SCN4A: variants seen among roughly 807,000 people sequenced by gnomAD.
The protein encoded by SCN4A is sodium channel protein type 4 subunit alpha.
In SCN4A, 83 loss-of-function variants were observed where a neutral mutation model predicts 162.0. The observed-to-expected ratio is 0.51, with a 90% CI of 0.43 to 0.61. The LOEUF (loss-of-function observed/expected upper bound fraction) is 0.61. Ranked by LOEUF, SCN4A falls within the 20% of genes least tolerant of loss-of-function variation. The probability of loss-of-function intolerance (pLI) is 0.00; values close to 1 mark genes in which losing one functional copy is unlikely to be tolerated. For missense variants in SCN4A, 2,196 were observed against 2,462.5 expected (o/e 0.89, Z 2.29); for synonymous variants, 944 against 985.1 (o/e 0.96, Z 0.78).
In SCN4A at chr17:63,963,719, G is replaced by A. The variant is rs753391449; in HGVS notation, c.1559C>T (p.Pro520Leu). 3.1e-5 allele frequency: 49 copies of A among 1,600,998 alleles called. No homozygotes were observed. Among genetic ancestry groups the A allele is most frequent in the Non-Finnish European group, 3.9e-5 (46 of 1,173,492 alleles). The change falls in exon 10 of 24, where the codon CCG (proline) becomes CTG (leucine). Residue 520 changes from proline (P) to leucine (L), a missense_variant. Pro to Leu is a moderately conservative substitution (Grantham distance 98). Coordinates refer to ENST00000435607, the MANE Select transcript of SCN4A (RefSeq NM_000334.4). Reference sequence around the variant, plus strand: ...GCTGTCTCCGCTGCTGCTCTGCCTCGGGGCTCCCTTCTCCCCTTGCGATGT... The same window carrying A: ...GCTGTCTCCGCTGCTGCTCTGCCTCAGGGCTCCCTTCTCCCCTTGCGATGT... ...LDTSQGEKGA[P>L]RQSSSGDSGI... is the part of the protein sequence containing the mutation.
At chr17:63,961,505 T>C (rs1909255673) in intron 10 of SCN4A, 74 bp from the exon 11 acceptor site, 1 of 1,108,698 alleles carries the variant, frequency 9.0e-7, no homozygotes, top group African/African-American at 1.5e-5. Flanking sequence ...CTAGAGCTTT[T>C]GTTCCACCTT....
chr17:63,961,451 A>G lies in SCN4A; in HGVS notation c.1607-20T>C, dbSNP rs374159735. The stretch of plus-strand genomic sequence containing the variant: ...CCAGTTCTGGGAGAGGGGTGGTAGC[A>G]GGTATCTGGTGAGGATTATCCCCTC... On this transcript the variant is annotated intron_variant, in intron 10 of 23. Transcript: ENST00000435607. The G allele has an allele frequency of 4.2e-5, 66 of 1,575,150 alleles. No individual in the cohort carries two copies. The East Asian group carries it at 1.1e-3, about 25-fold the overall frequency.
intron 17 of SCN4A, 56 bp downstream of exon 17, chr17:63,947,834 C>T (rs1908774209): frequency 6.4e-7 from 1 of 1,573,240 alleles, no homozygotes; most frequent in East Asian, 2.3e-5. Context: ...TCCTGAGGTC[C>T]CCGCCACACT....
chr17:63,961,852 A>G (rs1463729411), intron 10 of SCN4A, among the ~76,000 whole-genome samples: 5 of 142,850 alleles, frequency 3.5e-5, no homozygotes, highest in Non-Finnish European at 7.6e-5. Flanking sequence ...CGCCCCTCAA[A>G]GCCCCACCTC....
chr17:63,951,691 G>A lies in SCN4A; in HGVS notation c.2586C>T (p.Asp862=), dbSNP rs756161095. The A allele has an allele frequency of 2.2e-5, 36 of 1,601,822 alleles. No individual in the cohort carries two copies. In the East Asian group the frequency reaches 2.3e-4, roughly 10 times the overall value. ...CCGCCTCTCCAGCCTCCCCGGCCCC[G>A]TCAGCCTCCCCGAGGCTGAGCATGA... ...KDIMLSLGEA[D]GAGEAGEAGE... The change falls in exon 14 of 24, where the codon GAC becomes GAT. Residue 862 remains aspartate, a synonymous_variant. Coordinates refer to ENST00000435607, the MANE Select transcript of SCN4A (RefSeq NM_000334.4). The surrounding 1 kb of genome is among the most constrained non-coding windows in gnomAD (Gnocchi z 4.5).
In SCN4A at chr17:63,951,806, A is replaced by G. The variant is rs1375823252; in HGVS notation, c.2471T>C (p.Ile824Thr). 2 of 1,584,086 alleles carry G rather than the reference A, an allele frequency of 1.3e-6. No homozygotes were observed. Among genetic ancestry groups the G allele is most frequent in the Non-Finnish European group, 1.7e-6 (2 of 1,165,318 alleles). ...DEDGEMNNLQIAIGRIKLGIG... is the reference protein window; with the variant it reads ...DEDGEMNNLQTAIGRIKLGIG... ...GCCCAACTTGATGCGCCCGATGGCA[A>G]TCTGCAGGTTGTTCATCTCGCCATC... is the stretch of plus-strand genomic sequence containing the variant. The change falls in exon 14 of 24, where the codon ATT (isoleucine) becomes ACT (threonine). Residue 824 changes from isoleucine to threonine, a missense_variant. Ile to Thr is a moderately conservative substitution (Grantham distance 89, BLOSUM62 -1). Coordinates refer to ENST00000435607, the MANE Select transcript of SCN4A (RefSeq NM_000334.4). The surrounding 1 kb of genome is among the most constrained non-coding windows in gnomAD (Gnocchi z 4.5).
rs201227173 is a variant in SCN4A, at chr17:63,972,159, C to T, written c.459G>A (p.Pro153=). 41 of 1,613,074 alleles carry T rather than the reference C, an allele frequency of 2.5e-5. No homozygotes were observed. The highest frequency in any genetic ancestry group is 4.0e-5 in the African/African-American group (3 of 75,008). ...TNCVFMTMSD[P]PPWSKNVEYT... ...ACTCCACATTCTTGGACCAGGGAGG[C>T]GGGTCACTCATGGTCATGAATACGC... Residue 153 remains proline, a synonymous_variant, in exon 3 of 24, where the codon CCG becomes CCA. Coordinates refer to ENST00000435607, the MANE Select transcript of SCN4A (RefSeq NM_000334.4). This position sits in a 1 kb window ranked among gnomAD's most constrained non-coding sequence, Gnocchi z 4.3.
Position 63,945,650 on chromosome 17 carries a change from G to T in SCN4A, c.3442-12C>A, listed in dbSNP as rs538428104. ...GCGTTCACCACCACCTGGGGGCCAGGGGGTCCATTGCCAGTGCCTCTCCCA... is the reference window on the plus strand; with the variant it reads ...GCGTTCACCACCACCTGGGGGCCAGTGGGTCCATTGCCAGTGCCTCTCCCA... On this transcript the variant is annotated splice_polypyrimidine_tract_variant and intron_variant, in intron 18 of 23. Transcript: ENST00000435607. This position sits in a 1 kb window ranked among gnomAD's most constrained non-coding sequence, Gnocchi z 4.4. The T allele has an allele frequency of 1.2e-6, 2 of 1,613,472 alleles. No individual in the cohort carries two copies. The highest frequency in any genetic ancestry group is 1.7e-6 in the Non-Finnish European group (2 of 1,179,782).
Position 63,951,645 on chromosome 17 carries a change from C to T in SCN4A, c.2632G>A (p.Glu878Lys). The T allele has an allele frequency of 1.2e-6, 2 of 1,604,860 alleles. No individual in the cohort carries two copies. Among genetic ancestry groups the T allele is most frequent in the Non-Finnish European group, 1.7e-6 (2 of 1,175,406 alleles). The change falls in exon 14 of 24, where the codon GAG becomes AAG. Residue 878 changes from glutamate to lysine, a missense_variant. Coordinates refer to ENST00000435607, the MANE Select transcript of SCN4A (RefSeq NM_000334.4). The surrounding 1 kb of genome is among the most constrained non-coding windows in gnomAD (Gnocchi z 4.5). The stretch of plus-strand genomic sequence containing the variant: ...TCCTCCTCGGGCGGCTCCTTCTTCT[C>T]ATCCTCGGGGGCAGTCTCCCCCGCC... ...GEAGETAPEDEKKEPPEEDLK... is the reference protein window; with the variant it reads ...GEAGETAPEDKKKEPPEEDLK...
chr17:63,971,929 G>T, intron 3 of SCN4A, 79 bp from the exon 4 acceptor site: 1 of 1,473,842 alleles, frequency 6.8e-7, no homozygotes, highest in Non-Finnish European at 9.5e-7. Flanking sequence ...CCCCAGAAGG[G>T]AGGGACACAG....
In SCN4A at chr17:63,941,319, T is replaced by A. The variant is rs1555600642; in HGVS notation, c.4963A>T (p.Lys1655Ter). 1.9e-6 allele frequency: 3 copies of A among 1,613,874 alleles called. No homozygotes were observed. The highest frequency in any genetic ancestry group is 2.5e-6 in the Non-Finnish European group (3 of 1,179,862). The part of the protein sequence containing the change: ...DTLQEPLRIA[K>*]PNKIKLITLD... Reference sequence around the variant, plus strand: ...GTGATGAGCTTGATCTTGTTGGGCTTGGCAATCCTCAGCGGTTCCTGCAGG... The same window carrying A: ...GTGATGAGCTTGATCTTGTTGGGCTAGGCAATCCTCAGCGGTTCCTGCAGG... The change falls in exon 24 of 24, where the codon AAG (lysine) becomes TAG (stop). Residue 1655 changes from lysine (K) to a stop codon, truncating the protein, a stop_gained. Coordinates refer to ENST00000435607, the MANE Select transcript of SCN4A (RefSeq NM_000334.4). LOFTEE classifies it low-confidence loss of function (END_TRUNC). The surrounding 1 kb of genome is among the most constrained non-coding windows in gnomAD (Gnocchi z 6.2).
intron 8 of SCN4A, 132 bp downstream of exon 8, chr17:63,965,970 G>A (rs975503237): frequency 6.6e-5 from 44 of 663,230 alleles, no homozygotes; most frequent in African/African-American, 5.3e-4. Flanking sequence ...AGGGCACTGC[G>A]GGAGTCCATG....
chr17:63,959,159 C>A (rs539950304), intron 12 of SCN4A, 106 bp downstream of exon 12: 1 of 1,006,548 alleles, frequency 9.9e-7, no homozygotes, highest in East Asian at 2.5e-5. Flanking sequence ...GCCTCGTTTT[C>A]AGCCCTCTAG....
chr17:63,948,020 G>T lies in SCN4A; in HGVS notation c.3188C>A (p.Thr1063Asn), dbSNP rs1333298605. Residue 1063 changes from threonine to asparagine, a missense_variant, in exon 17 of 24, where the codon ACC becomes AAC. Physicochemically the swap from Thr to Asn is moderately conservative, Grantham distance 65. Transcript: ENST00000435607. ...IYIEQRRVIRTILEYADKVFT... is the reference protein window; with the variant it reads ...IYIEQRRVIRNILEYADKVFT... ...GACCTTGTCGGCATATTCTAGGATG[G>T]TGCGAATGACTCGCCGCTGCTCAAT... is the stretch of plus-strand genomic sequence containing the variant. The T allele has an allele frequency of 6.2e-7, 1 of 1,613,010 alleles. No homozygotes were observed. Among genetic ancestry groups the T allele is most frequent in the Non-Finnish European group, 8.5e-7 (1 of 1,179,260 alleles).
At position 63,941,857 on chromosome 17, in the gene SCN4A, G is replaced by A. The variant is rs1260243056; in HGVS notation, c.4425C>T (p.Leu1475=). ...AKGIRTLLFA[L]MMSLPALFNI... ...TGAAGAGGGCAGGCAGCGACATCAT[G>A]AGGGCGAACAGCAGCGTCCGGATGC... The change falls in exon 24 of 24, where the codon CTC becomes CTT. Residue 1475 remains leucine (L), a synonymous_variant. Coordinates refer to ENST00000435607, the MANE Select transcript of SCN4A (RefSeq NM_000334.4). This position sits in a 1 kb window ranked among gnomAD's most constrained non-coding sequence, Gnocchi z 6.2. The A allele has an allele frequency of 1.2e-6, 2 of 1,614,026 alleles. No homozygotes were observed. Among genetic ancestry groups the A allele is most frequent in the Non-Finnish European group, 1.7e-6 (2 of 1,179,956 alleles).
chr17:63,961,312 T>TG lies in SCN4A; in HGVS notation c.1725dup (p.Met576HisfsTer32). 1 of 1,613,700 alleles carries TG rather than the reference T, an allele frequency of 6.2e-7. No individual in the cohort carries two copies. Among genetic ancestry groups the TG allele is most frequent in the Non-Finnish European group, 8.5e-7 (1 of 1,179,778 alleles). On this transcript the variant is annotated frameshift_variant, in exon 11 of 24. Coordinates refer to ENST00000435607, the MANE Select transcript of SCN4A (RefSeq NM_000334.4). LOFTEE classifies it high-confidence loss of function. Reference sequence around the variant, plus strand: ...ATGCCCAGGTCCACGAACGGGTCCATGACGATCAGGTGGATGATGTTCTTG... The same window carrying TG: ...ATGCCCAGGTCCACGAACGGGTCCATGGACGATCAGGTGGATGATGTTCTTG...
Position 63,941,118 on chromosome 17 carries a change from G to A in SCN4A, c.5164C>T (p.Leu1722Phe). ...CACACCTCCTCGTGCTTCCTCTTGA[G>A]GGTGGTGGTGATGGGCTCGTAGGAC... ...KVSYEPITTT[L>F]KRKHEEVCAI... is the part of the protein sequence containing the mutation. The change falls in exon 24 of 24, where the codon CTC becomes TTC. Residue 1722 changes from leucine to phenylalanine, a missense_variant. Coordinates refer to ENST00000435607, the MANE Select transcript of SCN4A (RefSeq NM_000334.4). This position sits in a 1 kb window ranked among gnomAD's most constrained non-coding sequence, Gnocchi z 6.2. The A allele has an allele frequency of 6.2e-7, 1 of 1,614,000 alleles. No homozygotes were observed.
intron 7 of SCN4A, 21 bp downstream of exon 7, chr17:63,966,460 G>T: frequency 6.2e-7 from 1 of 1,610,532 alleles, no homozygotes; most frequent in Non-Finnish European, 8.5e-7. Context: ...TGCCTTTTCT[G>T]CATCCCTTAG....
At chr17:63,947,815 G>C in intron 17 of SCN4A, 75 bp downstream of exon 17, 1 of 1,486,680 alleles carries the variant, frequency 6.7e-7, no homozygotes, top group South Asian at 1.2e-5. Flanking sequence ...GCCCTTCAGG[G>C]CGTGGGCTTC....
Sources: allele counts gnomAD v4.1 joint callset (sites outside exome capture counted in the v4.1 genomes callset), GRCh38; gene constraint gnomAD v4.1.1; non-coding constraint Gnocchi (gnomAD v3.1); transcripts MANE v1.5; gene names NCBI Gene and HGNC (gene_info 2026-07-23, HGNC 2026-07-21).